FILIP1L: variants seen among roughly 807,000 people sequenced by gnomAD.
FILIP1L encodes filamin A-interacting protein 1-like.
Under a neutral mutation model 96.6 loss-of-function variants are expected in FILIP1L, and 55 were observed. The ratio of observed to expected loss-of-function variants is 0.57; its 90% CI spans 0.46 to 0.71. The LOEUF is 0.71. Among genes scored for constraint, FILIP1L ranks in the 30% least tolerant of loss-of-function variants. The pLI is 0.00. For synonymous variants in FILIP1L, 467 were observed against 473.9 expected (o/e 0.99, Z 0.19); for missense variants, 1,304 against 1,321.2 (o/e 0.99, Z 0.20).
rs1033889136 is a variant in FILIP1L at position 99,880,953 on chromosome 3, T to G, written c.606-29883A>C. Among the ~76,000 whole-genome samples, 74 of 152,242 alleles carry G rather than the reference T, an allele frequency of 4.9e-4. 1 individual carries two copies. Among genetic ancestry groups the G allele is most frequent in the Admixed American group, 4.7e-3 (72 of 15,288 alleles). On this transcript the variant is annotated intron_variant, in intron 4 of 5. Transcript: ENST00000477258. ...ATTTCTGAATCATGTTAGTGGCTTT[T>G]CTGTAGACATTGGGCTATTTAAAAG...
chr3:99,936,779 C>G (rs1707689692), intron 1 of FILIP1L, among the ~76,000 whole-genome samples: 1 of 151,764 alleles, frequency 6.6e-6, no homozygotes, highest in Non-Finnish European at 1.5e-5. Flanking sequence ...CCTACTAAAT[C>G]ACTATGCTGT....
At chr3:100,047,873 TG>T (rs899052390) in intron 1 of FILIP1L, among the ~76,000 whole-genome samples, 28 of 151,340 alleles carry the variant, frequency 1.9e-4, no homozygotes, top group South Asian at 4.2e-4. Flanking sequence ...AATGACAGGG[TG>T]GGCGAAAAAT....
Position 99,983,389 on chromosome 3 carries a change from AATATATATATATATATAT to A in FILIP1L, c.-10-52377_-10-52360del, listed in dbSNP as rs397990626. Among the ~76,000 whole-genome samples the A allele has an allele frequency of 4.9e-5, 2 of 40,788 alleles. 1 individual carries two copies. The highest frequency in any genetic ancestry group is 2.0e-4 in the African/African-American group (2 of 9,784). 26.8% of individuals were successfully genotyped at this position (40,788 alleles called of 152,430 possible). A position where few individuals can be genotyped will look rare whatever the true frequency, so the allele number is the denominator to read the frequency against. Reference sequence around the variant, plus strand: ...TCTCTACTTAAAAAATAAATAAATAAATATATATATATATATATATATATATATATGTATGTATGTATG... The same window carrying A: ...TCTCTACTTAAAAAATAAATAAATAAATATATATATATGTATGTATGTATG... On this transcript the variant is annotated intron_variant, in intron 1 of 5. Transcript: ENST00000477258.
chr3:99,884,207 C>A (rs1040855380), intron 4 of FILIP1L, among the ~76,000 whole-genome samples: 1 of 152,134 alleles, frequency 6.6e-6, no homozygotes, highest in Non-Finnish European at 1.5e-5. Context: ...CTGAAGAATT[C>A]TAAAATGTTT....
chr3:100,044,247 G>A (rs776726897), intron 1 of FILIP1L, among the ~76,000 whole-genome samples: 2 of 152,186 alleles, frequency 1.3e-5, no homozygotes, highest in Admixed American at 6.5e-5. Flanking sequence ...GGGCACAAGC[G>A]ATGCAGTTGT....
chr3:99,837,469 G>A (rs1179737439), intron 5 of FILIP1L, among the ~76,000 whole-genome samples: 2 of 151,684 alleles, frequency 1.3e-5, no homozygotes, highest in African/African-American at 2.4e-5. Context: ...ACCACTAATT[G>A]TAAAGGATAA....
intron 1 of FILIP1L, among the ~76,000 whole-genome samples, chr3:100,107,999 TCTGGG>T (rs999641608): frequency 2.6e-5 from 4 of 152,130 alleles, no homozygotes; most frequent in Non-Finnish European, 4.4e-5. Flanking sequence ...TAATCAATTT[TCTGGG>T]ATTTTTCTTA....
intron 1 of FILIP1L, among the ~76,000 whole-genome samples, chr3:100,102,119 C>T (rs1457798924): frequency 1.3e-5 from 2 of 152,126 alleles, no homozygotes; most frequent in African/African-American, 4.8e-5. Flanking sequence ...GATTTATAAT[C>T]CTTTGGGTAT....
chr3:99,860,533 A>G (rs1944194902), intron 4 of FILIP1L, among the ~76,000 whole-genome samples: 1 of 152,178 alleles, frequency 6.6e-6, no homozygotes. Flanking sequence ...AGGTTCCAGA[A>G]CAAGTAAAAG....
chr3:99,988,817 C>G (rs1709430242), intron 1 of FILIP1L, among the ~76,000 whole-genome samples: 1 of 152,138 alleles, frequency 6.6e-6, no homozygotes, highest in Non-Finnish European at 1.5e-5. Flanking sequence ...TTGGGCTGTT[C>G]TTTCATTGGT....
chr3:99,989,739 A>G (rs1709458256), intron 1 of FILIP1L, among the ~76,000 whole-genome samples: 2 of 150,774 alleles, frequency 1.3e-5, no homozygotes, highest in African/African-American at 4.9e-5. Flanking sequence ...AGGTAATCCT[A>G]TTTAGTATGC....
chr3:99,858,510 TAATA>T (rs1374097641), intron 4 of FILIP1L, among the ~76,000 whole-genome samples: 8 of 152,166 alleles, frequency 5.3e-5, no homozygotes, highest in African/African-American at 1.9e-4. Flanking sequence ...TAATAAATAA[TAATA>T]AATCCATCAT....
chr3:99,882,192 T>G (rs1263583376), intron 4 of FILIP1L, among the ~76,000 whole-genome samples: 2 of 152,198 alleles, frequency 1.3e-5, no homozygotes, highest in Non-Finnish European at 2.9e-5. Flanking sequence ...AGAGTAAAAC[T>G]ATTTCTTCTA....
intron 4 of FILIP1L, among the ~76,000 whole-genome samples, chr3:99,904,200 A>G (rs150912168): frequency 5.8e-4 from 89 of 152,360 alleles, no homozygotes; most frequent in Admixed American, 1.8e-3. Flanking sequence ...TTTCATTACA[A>G]TAAACAAAGG....
At chr3:100,008,679 A>G (rs1710058083) in intron 1 of FILIP1L, among the ~76,000 whole-genome samples, 1 of 152,250 alleles carries the variant, frequency 6.6e-6, no homozygotes, top group Non-Finnish European at 1.5e-5. Flanking sequence ...AACATTCAGC[A>G]TTGTACTTCA....
intron 4 of FILIP1L, among the ~76,000 whole-genome samples, chr3:99,876,430 A>G (rs1300753017): frequency 1.3e-5 from 2 of 152,220 alleles, no homozygotes; most frequent in Non-Finnish European, 2.9e-5. Flanking sequence ...TCGGGCTAAC[A>G]AAGTCATTGG....
At chr3:99,930,663 A>G in intron 2 of FILIP1L, 106 bp downstream of exon 2, 1 of 1,223,118 alleles carries the variant, frequency 8.2e-7, no homozygotes, top group Non-Finnish European at 1.2e-6. Context: ...TTTCATGTAC[A>G]CACATGTATG....
At position 99,985,040 on chromosome 3, in the gene FILIP1L, G is replaced by A. The variant is rs539821868; in HGVS notation, c.-10-54010C>T. ...GGTTGCCGTGAGGAAGGTATAAGGG[G>A]CAGGGTACCAGGTATATATGGTTAG... On this transcript the variant is annotated intron_variant, in intron 1 of 5. Coordinates refer to ENST00000477258, the MANE Select transcript of FILIP1L (RefSeq NM_001387850.1). 2.0e-5 allele frequency among the ~76,000 whole-genome samples: 3 copies of A among 152,258 alleles called. No homozygotes were observed. In the East Asian group the frequency reaches 5.8e-4, roughly 29 times the overall value.
intron 1 of FILIP1L, among the ~76,000 whole-genome samples, chr3:100,080,304 A>T (rs1208647224): frequency 2.0e-5 from 3 of 150,576 alleles, no homozygotes; most frequent in African/African-American, 7.3e-5. Context: ...TAAAGCTCTC[A>T]TAACCTAGCT....
Sources: allele counts gnomAD v4.1 joint callset (sites outside exome capture counted in the v4.1 genomes callset), GRCh38; gene constraint gnomAD v4.1.1; transcripts MANE v1.5; gene names NCBI Gene and HGNC (gene_info 2026-07-23, HGNC 2026-07-21).